GABRQ: variants seen among roughly 807,000 people sequenced by gnomAD.
GABRQ encodes gamma-aminobutyric acid type A receptor subunit theta.
A neutral mutation model predicts 30.5 loss-of-function variants in GABRQ; 19 were observed. The observed-to-expected ratio is 0.62, with a 90% confidence interval of 0.43 to 0.91. The LOEUF (loss-of-function observed/expected upper bound fraction) is 0.91, where lower values mean the gene tolerates loss of function less well. GABRQ is among the 40% of genes least tolerant of loss of function. GABRQ has a pLI of 0.00. For missense variants in GABRQ, 520 were observed against 521.4 expected, an observed-to-expected ratio of 1.00 and a Z score of 0.03; for synonymous variants, 187 against 210.2, an observed-to-expected ratio of 0.89 and a Z score of 0.95.
intron 3 of GABRQ, among the ~76,000 whole-genome samples, chrX:152,645,852 G>A (rs1420973388): frequency 1.8e-5 from 2 of 112,696 alleles, no homozygotes; most frequent in African/African-American, 3.2e-5. Context: ...AGATAGTGTA[G>A]AACACTGGCT....
chrX:152,643,011 T>G (rs1569452707), intron 2 of GABRQ, among the ~76,000 whole-genome samples: 1 of 112,512 alleles, frequency 8.9e-6, no homozygotes, highest in South Asian at 3.7e-4. Context: ...TTGGACAGGT[T>G]TCTGGCCTAG....
chrX:152,652,483 A>C, intron 8 of GABRQ, 58 bp from the exon 9 acceptor site: 2 of 978,302 alleles, frequency 2.0e-6, no homozygotes, highest in Non-Finnish European at 2.8e-6. Flanking sequence ...CCCTCCCCCC[A>C]GTGCATATCC....
intron 2 of GABRQ, among the ~76,000 whole-genome samples, chrX:152,641,557 G>T (rs1329093798): frequency 1.8e-5 from 2 of 112,137 alleles, no homozygotes; most frequent in African/African-American, 6.5e-5. Flanking sequence ...AAGCTTTGGA[G>T]GTGGGACCCT....
chrX:152,652,951 C>A lies in GABRQ; in HGVS notation c.1569C>A (p.Gly523=), dbSNP rs782659770. Residue 523 remains glycine, a synonymous_variant, in exon 9 of 9, where the codon GGC becomes GGA. Coordinates refer to ENST00000598523, the MANE Select transcript of GABRQ (RefSeq NM_018558.4). ...GTGGGAAGCCCATGCTTCACCATGG[C>A]GAGAAGGGTGTGCAAGAAGCAGGCT... ...GPSGKPMLHH[G]EKGVQEAGWD... 1.7e-6 allele frequency: 2 copies of A among 1,210,278 alleles called. No individual in the cohort carries two copies. The highest frequency in any genetic ancestry group is 2.2e-6 in the Non-Finnish European group (2 of 894,096).
Position 152,650,669 on chromosome X carries a change from T to C in GABRQ, c.901+89T>C, listed in dbSNP as rs904909733. ...TAAGGAAAAAGTACCCAGAACAGTGTGTGACTAACTACACAGGCAAGGAAA... is the reference window on the plus strand; with the variant it reads ...TAAGGAAAAAGTACCCAGAACAGTGCGTGACTAACTACACAGGCAAGGAAA... On this transcript the variant is annotated intron_variant, in intron 7 of 8. Coordinates refer to ENST00000598523, the MANE Select transcript of GABRQ (RefSeq NM_018558.4). 83 of 637,300 alleles carry C rather than the reference T, an allele frequency of 1.3e-4. No homozygotes were observed. The African/African-American group carries it at 1.5e-3, about 12-fold the overall frequency. 52.5% of individuals were successfully genotyped at this position (637,300 alleles called of 1,213,427 possible).
At chrX:152,646,534 T>C (rs1291554791) in intron 3 of GABRQ, among the ~76,000 whole-genome samples, 1 of 112,297 alleles carries the variant, frequency 8.9e-6, no homozygotes, top group Non-Finnish European at 1.9e-5. Context: ...AAATTATGAA[T>C]ACATACAGTA....
At chrX:152,641,209 G>C (rs1375982495) in intron 2 of GABRQ, among the ~76,000 whole-genome samples, 6 of 111,886 alleles carry the variant, frequency 5.4e-5, no homozygotes, top group Admixed American at 1.9e-4. Flanking sequence ...GACTAGCCTG[G>C]ACCACACAGC....
At position 152,637,914 on chromosome X, in the gene GABRQ, C is replaced by G. The variant is rs1407370944; in HGVS notation, c.-289C>G. ...GTGCCCAGTCGCAGCCAGGAGCGGC[C>G]GCAGACGGAGCGCACCTCGCAGCTG... On this transcript the variant is annotated 5_prime_UTR_variant, in exon 1 of 9. Transcript: ENST00000598523. Among the ~76,000 whole-genome samples the G allele has an allele frequency of 8.8e-6, 1 of 113,392 alleles. No homozygotes were observed. The highest frequency in any genetic ancestry group is 3.2e-5 in the African/African-American group (1 of 31,273).
intron 1 of GABRQ, among the ~76,000 whole-genome samples, chrX:152,638,898 C>T (rs1930679850): frequency 8.9e-6 from 1 of 111,780 alleles, no homozygotes. Flanking sequence ...CCCATCGGAG[C>T]CCAGACAGTG....
At position 152,647,640 on chromosome X, in the gene GABRQ, C is replaced by T. The variant is rs782218550; in HGVS notation, c.527+472C>T. ...GTGAACGAGGGGGCCTGCTTTCTGC[C>T]TTCAGTCATATTTGCATCATGCAGG... On this transcript the variant is annotated intron_variant, in intron 4 of 8. Coordinates refer to ENST00000598523, the MANE Select transcript of GABRQ (RefSeq NM_018558.4). Among the ~76,000 whole-genome samples the T allele has an allele frequency of 2.7e-5, 3 of 111,797 alleles. No individual in the cohort carries two copies. In the South Asian group the frequency reaches 1.1e-3, roughly 42 times the overall value.
At chrX:152,649,041 G>A (rs1184229346) in intron 4 of GABRQ, among the ~76,000 whole-genome samples, 3 of 112,298 alleles carry the variant, frequency 2.7e-5, no homozygotes, top group Non-Finnish European at 3.8e-5. Flanking sequence ...CTGACACCCT[G>A]CAGTTTTCTG....
chrX:152,640,283 G>A (rs781905437), intron 1 of GABRQ, 95 bp from the exon 2 acceptor site: 6 of 569,367 alleles, frequency 1.1e-5, no homozygotes, highest in Non-Finnish European at 1.9e-5. Context: ...GGACATGTCT[G>A]CGTATGTGCT....
At chrX:152,645,780 C>T (rs1556819119) in intron 3 of GABRQ, among the ~76,000 whole-genome samples, 186 bp downstream of exon 3, 1 of 112,436 alleles carries the variant, frequency 8.9e-6, no homozygotes, top group Non-Finnish European at 1.9e-5. Context: ...CACACCACAT[C>T]CAGAAACTCG....
intron 6 of GABRQ, 27 bp from the exon 7 acceptor site, chrX:152,650,401 C>T: frequency 8.4e-7 from 1 of 1,194,508 alleles, no homozygotes; most frequent in Non-Finnish European, 1.1e-6. Flanking sequence ...GCCCTGCCAC[C>T]CTAATTCCAG....
chrX:152,638,810 G>GGC (rs1223758279), intron 1 of GABRQ, among the ~76,000 whole-genome samples: 2 of 110,876 alleles, frequency 1.8e-5, no homozygotes, highest in African/African-American at 6.6e-5. Context: ...CATTTCCTGA[G>GGC]GCGCGCGCGC....
intron 5 of GABRQ, 45 bp downstream of exon 5, chrX:152,649,378 G>A (rs782273470): frequency 1.3e-6 from 1 of 782,706 alleles, no homozygotes; most frequent in Non-Finnish European, 2.0e-6. Flanking sequence ...TTGGGGCTGT[G>A]GTGATCAGGG....
rs1602826367 is a variant in GABRQ at position 152,651,850 on chromosome X, C to T, written c.1158+68C>T. On this transcript the variant is annotated intron_variant, in intron 8 of 8. Transcript: ENST00000598523. The stretch of plus-strand genomic sequence containing the variant: ...TTGAGCCCAGGCTTAGCGCTTTTGA[C>T]CCTTTTGCATTTCTTAGCTTTTTAA... The T allele has an allele frequency of 3.7e-6, 4 of 1,070,560 alleles. No homozygotes were observed. In the East Asian group the frequency reaches 1.2e-4, roughly 32 times the overall value. The allele number at this position is 1,070,560 out of a possible 1,213,427, so 88.2% of individuals were successfully genotyped here. A position where few individuals can be genotyped will look rare whatever the true frequency, so the allele number is the denominator to read the frequency against.
At chrX:152,648,122 C>A (rs782064070) in intron 4 of GABRQ, among the ~76,000 whole-genome samples, 15 of 111,673 alleles carry the variant, frequency 1.3e-4, no homozygotes, top group Non-Finnish European at 2.6e-4. Context: ...GAAAAACACA[C>A]ATGCACTCAC....
At chrX:152,658,262 AC>A (rs782747341), downstream of GABRQ, among the ~76,000 whole-genome samples, 87 of 111,203 alleles carry the variant, frequency 7.8e-4, 1 homozygote, top group Middle Eastern at 9.3e-3. Context: ...GCCCATTCTG[AC>A]CCCAGGCTAG....
Sources: allele counts gnomAD v4.1 joint callset (sites outside exome capture counted in the v4.1 genomes callset), GRCh38; gene constraint gnomAD v4.1.1; transcripts MANE v1.5; gene names NCBI Gene and HGNC (gene_info 2026-07-23, HGNC 2026-07-21).